NEDD4L: variants seen among roughly 807,000 people sequenced by gnomAD.
NEDD4L encodes NEDD4 like E3 ubiquitin protein ligase.
A neutral mutation model predicts 148.9 loss-of-function variants in NEDD4L; 54 were observed. The observed-to-expected ratio is 0.36, with a 90% CI of 0.29 to 0.45. NEDD4L has a LOEUF of 0.45. Among genes scored for constraint, NEDD4L ranks in the 20% least tolerant of loss-of-function variants. NEDD4L has a pLI of 1.00. For synonymous variants in NEDD4L, 433 were observed against 440.7 expected, an observed-to-expected ratio of 0.98 and a Z score of 0.22; for missense variants, 856 against 1,233.8, an observed-to-expected ratio of 0.69 and a Z score of 4.59.
chr18:58,269,263 T>C (rs1438180458), intron 5 of NEDD4L, among the ~76,000 whole-genome samples: 1 of 151,938 alleles, frequency 6.6e-6, no homozygotes, highest in East Asian at 1.9e-4. Context: ...AGAACAGATA[T>C]CAAAGATTGG....
chr18:58,265,153 A>G (rs546292262), intron 5 of NEDD4L, among the ~76,000 whole-genome samples: 4 of 152,166 alleles, frequency 2.6e-5, no homozygotes, highest in African/African-American at 7.2e-5. Context: ...GATTTGTCTC[A>G]GTGGGCCAGT....
intron 2 of NEDD4L, chr18:58,228,046 A>G (rs1296161583): frequency 1.2e-5 from 2 of 163,982 alleles, no homozygotes; most frequent in African/African-American, 2.4e-5. Context: ...TCTACTTACC[A>G]TAAATCTCAA....
chr18:58,340,832 G>T (rs1294028624), intron 13 of NEDD4L: 2 of 528,742 alleles, frequency 3.8e-6, no homozygotes, highest in Admixed American at 7.6e-5. Context: ...TTTGGACTCT[G>T]CAACTGTATG....
At chr18:58,089,986 T>A (rs1026299454) in intron 1 of NEDD4L, among the ~76,000 whole-genome samples, 1 of 152,052 alleles carries the variant, frequency 6.6e-6, no homozygotes, top group Non-Finnish European at 1.5e-5. Flanking sequence ...ATTACAGGTA[T>A]GTGCCACCAC....
chr18:58,327,253 ATGCC>A (rs2059393256), intron 9 of NEDD4L, among the ~76,000 whole-genome samples: 1 of 152,196 alleles, frequency 6.6e-6, no homozygotes, highest in Non-Finnish European at 1.5e-5. Context: ...GCCCGCCGCC[ATGCC>A]CAGCTAATGT....
At position 58,329,030 on chromosome 18, in the gene NEDD4L, A is replaced by G. The variant is rs555286058; in HGVS notation, c.716A>G (p.Gln239Arg). The G allele has an allele frequency of 1.2e-6, 2 of 1,614,046 alleles. No homozygotes were observed. Among genetic ancestry groups the G allele is most frequent in the South Asian group, 2.2e-5 (2 of 91,084 alleles). The change falls in exon 10 of 31, where the codon CAG (glutamine) becomes CGG (arginine). Residue 239 changes from glutamine (Q) to arginine (R), a missense_variant. Coordinates refer to ENST00000400345, the MANE Select transcript of NEDD4L (RefSeq NM_001144967.3). ...VSSESDNNIR[Q>R]INQEAAHRRF... Reference sequence around the variant, plus strand: ...TCGGAGTCGGACAATAACATCAGACAGATCAACCAGGAGGCAGCACACCGG... The same window carrying G: ...TCGGAGTCGGACAATAACATCAGACGGATCAACCAGGAGGCAGCACACCGG...
At chr18:58,175,312 C>T (rs749833809) in intron 2 of NEDD4L, among the ~76,000 whole-genome samples, 4 of 146,976 alleles carry the variant, frequency 2.7e-5, no homozygotes, top group Non-Finnish European at 5.9e-5. Context: ...AGGGACCGTA[C>T]ACCTCCTGTT....
intron 19 of NEDD4L, among the ~76,000 whole-genome samples, chr18:58,361,576 A>C (rs2045491609): frequency 1.3e-5 from 2 of 152,222 alleles, no homozygotes; most frequent in South Asian, 4.1e-4. Context: ...TGCAAGGGTC[A>C]GAATCAGGAC....
At chr18:58,155,639 G>GC (rs1372550624) in intron 1 of NEDD4L, among the ~76,000 whole-genome samples, 2 of 152,190 alleles carry the variant, frequency 1.3e-5, no homozygotes, top group Non-Finnish European at 1.5e-5. Flanking sequence ...CCAAGATGAG[G>GC]CCGGTGGCAT....
intron 1 of NEDD4L, among the ~76,000 whole-genome samples, chr18:58,108,056 A>T (rs116141865): frequency 0.014 from 2,076 of 152,320 alleles, 38 homozygotes; most frequent in African/African-American, 0.048. Context: ...GAGGATCCTC[A>T]GAATACGGAG....
At chr18:58,101,627 C>A (rs565194883) in intron 1 of NEDD4L, among the ~76,000 whole-genome samples, 1 of 152,224 alleles carries the variant, frequency 6.6e-6, no homozygotes, top group East Asian at 1.9e-4. Flanking sequence ...TTTTTGCATA[C>A]CCTGCAATTA....
At chr18:58,301,844 C>T (rs1253687754) in intron 5 of NEDD4L, among the ~76,000 whole-genome samples, 1 of 152,156 alleles carries the variant, frequency 6.6e-6, no homozygotes, top group East Asian at 1.9e-4. Context: ...GGCCCCAAGC[C>T]CAGCTCTGTC....
intron 2 of NEDD4L, among the ~76,000 whole-genome samples, chr18:58,211,541 T>G (rs1716848695): frequency 6.6e-6 from 1 of 152,374 alleles, no homozygotes; most frequent in East Asian, 1.9e-4. Context: ...TGAATGTATC[T>G]TATTACAAAA....
intron 18 of NEDD4L, among the ~76,000 whole-genome samples, chr18:58,351,548 T>C (rs1601593459): frequency 6.6e-6 from 1 of 152,202 alleles, no homozygotes; most frequent in African/African-American, 2.4e-5. Flanking sequence ...TTTCTGGAAA[T>C]TGTAGTATAT....
intron 1 of NEDD4L, among the ~76,000 whole-genome samples, chr18:58,098,326 G>T (rs1292827742): frequency 6.6e-6 from 1 of 152,158 alleles, no homozygotes; most frequent in Non-Finnish European, 1.5e-5. Context: ...GCCCCACATT[G>T]CCTGATGAGG....
Position 58,307,664 on chromosome 18 carries a change from G to A in NEDD4L, c.298-8318G>A, listed in dbSNP as rs189538444. Among the ~76,000 whole-genome samples, 49 of 152,338 alleles carry A rather than the reference G, an allele frequency of 3.2e-4. 2 individuals carry two copies. The highest frequency in any genetic ancestry group is 3.1e-3 in the Admixed American group (47 of 15,308). ...TTCTACATATCCCAACTATGAGACA[G>A]CCAGGCAGTGGGATGGACTGTGAGG... On this transcript the variant is annotated intron_variant, in intron 5 of 30. Coordinates refer to ENST00000400345, the MANE Select transcript of NEDD4L (RefSeq NM_001144967.3).
chr18:58,092,340 A>G (rs1387255931), intron 1 of NEDD4L, among the ~76,000 whole-genome samples: 1 of 151,960 alleles, frequency 6.6e-6, no homozygotes, highest in Non-Finnish European at 1.5e-5. Context: ...TGTATTTGGG[A>G]TTTGGGGTGG....
intron 5 of NEDD4L, chr18:58,314,418 CAA>C (rs34786147): frequency 4.5e-5 from 6 of 132,868 alleles, no homozygotes; most frequent in African/African-American, 2.8e-5. Context: ...GACTCTGTCT[CAA>C]AAAAAAAAAA....
At chr18:58,076,460 AG>A (rs1293461423) in intron 1 of NEDD4L, among the ~76,000 whole-genome samples, 1 of 152,206 alleles carries the variant, frequency 6.6e-6, no homozygotes, top group Non-Finnish European at 1.5e-5. Flanking sequence ...AAATTAGGCA[AG>A]GTGGTAAGTT....
Sources: allele counts gnomAD v4.1 joint callset (sites outside exome capture counted in the v4.1 genomes callset), GRCh38; gene constraint gnomAD v4.1.1; transcripts MANE v1.5; gene names NCBI Gene and HGNC (gene_info 2026-07-23, HGNC 2026-07-21).